The following ARHGEF9 variants were observed in gnomAD, a reference collection of about 807,000 sequenced individuals.
The protein encoded by ARHGEF9 is Cdc42 guanine nucleotide exchange factor 9.
In ARHGEF9, 2 loss-of-function variants were observed where a neutral mutation model predicts 41.3. That is an observed-to-expected ratio of 0.05 (90% CI 0.02 to 0.15). The LOEUF is 0.15. Ranked by LOEUF, ARHGEF9 falls within the 10% of genes least tolerant of loss-of-function variation. The pLI is 1.00. For synonymous variants in ARHGEF9, 160 were observed against 154.4 expected (o/e 1.04, Z -0.27); for missense variants, 225 against 424.7 (o/e 0.53, Z 4.13).
chrX:63,734,733 C>T (rs1569496241), intron 1 of ARHGEF9, among the ~76,000 whole-genome samples: 2 of 111,491 alleles, frequency 1.8e-5, no homozygotes, highest in Non-Finnish European at 3.8e-5. Context: ...TGCTTCTGCT[C>T]TGTTCCACCC....
intron 2 of ARHGEF9, among the ~76,000 whole-genome samples, chrX:63,714,947 A>G (rs2053195815): frequency 8.9e-6 from 1 of 111,861 alleles, no homozygotes; most frequent in Non-Finnish European, 1.9e-5. Flanking sequence ...TTCCCAACGA[A>G]TGGAGACTTA....
At chrX:63,716,499 A>G (rs1556410277) in intron 2 of ARHGEF9, among the ~76,000 whole-genome samples, 1 of 111,419 alleles carries the variant, frequency 9.0e-6, no homozygotes, top group Non-Finnish European at 1.9e-5. Flanking sequence ...GATGGGCTGA[A>G]GTTCTAGAGT....
intron 5 of ARHGEF9, among the ~76,000 whole-genome samples, chrX:63,676,979 C>A (rs1332280466): frequency 8.9e-6 from 1 of 112,056 alleles, no homozygotes; most frequent in Non-Finnish European, 1.9e-5. Context: ...ATTTCCTCTA[C>A]ACCAAGACTA....
chrX:63,692,176 G>C (rs1304799779), intron 4 of ARHGEF9, among the ~76,000 whole-genome samples: 2 of 111,948 alleles, frequency 1.8e-5, no homozygotes, highest in East Asian at 5.6e-4. Context: ...TACCTCTAAA[G>C]CACAGATAAC....
intron 2 of ARHGEF9, chrX:63,707,528 G>A (rs1372176293): frequency 1.8e-5 from 2 of 110,878 alleles, no homozygotes; most frequent in African/African-American, 6.6e-5. Context: ...AGGAAACGAA[G>A]GGTGGGCCCG....
chrX:63,706,592 T>C, intron 2 of ARHGEF9, 143 bp from the exon 3 acceptor site: 1 of 704,607 alleles, frequency 1.4e-6, no homozygotes, highest in Non-Finnish European at 2.1e-6. Flanking sequence ...ATTCGAAACC[T>C]GGCTCTAGGG....
At chrX:63,777,736 T>A (rs1274090573) in intron 1 of ARHGEF9, among the ~76,000 whole-genome samples, 1 of 112,600 alleles carries the variant, frequency 8.9e-6, no homozygotes, top group African/African-American at 3.2e-5. Flanking sequence ...ACAGGTCCCA[T>A]GCAAGTCCAG....
intron 1 of ARHGEF9, among the ~76,000 whole-genome samples, chrX:63,740,066 C>T (rs149303139): frequency 8.4e-4 from 94 of 112,051 alleles, no homozygotes; most frequent in African/African-American, 2.9e-3. Context: ...TAGGCTGCCT[C>T]CTCTGGCAGG....
rs781834665 is a variant in ARHGEF9 at position 63,706,294 on chromosome X, C to T, written c.366G>A (p.Glu122=). 112 of 1,203,245 alleles carry T rather than the reference C, an allele frequency of 9.3e-5. No individual in the cohort carries two copies. Among genetic ancestry groups the T allele is most frequent in the Non-Finnish European group, 1.2e-4 (111 of 892,022 alleles). ...CCTTGAGGTGCTTGATGTAGTGACG[C>T]TCAGTGCTCATTATCTCATTGATGA... ...ANVINEIMST[E]RHYIKHLKDI... The change falls in exon 3 of 10, where the codon GAG becomes GAA. Residue 122 remains glutamate (E), a synonymous_variant. Coordinates refer to ENST00000671741, the MANE Select transcript of ARHGEF9 (RefSeq NM_001353921.2).
chrX:63,717,312 C>A (rs1446332331), intron 2 of ARHGEF9, among the ~76,000 whole-genome samples: 1 of 112,066 alleles, frequency 8.9e-6, no homozygotes, highest in Non-Finnish European at 1.9e-5. Flanking sequence ...GAACATTGTC[C>A]AATTACATGT....
At chrX:63,767,576 A>G (rs2056132660) in intron 1 of ARHGEF9, among the ~76,000 whole-genome samples, 1 of 112,272 alleles carries the variant, frequency 8.9e-6, no homozygotes, top group Admixed American at 9.4e-5. Context: ...GACAAAGGTT[A>G]ATAAAGTTCT....
chrX:63,714,255 A>G (rs868982470), intron 2 of ARHGEF9, among the ~76,000 whole-genome samples: 6 of 111,740 alleles, frequency 5.4e-5, no homozygotes, highest in Non-Finnish European at 1.1e-4. Context: ...CTCCTTCTTC[A>G]GGAAGGCCTT....
At chrX:63,665,281 T>C (rs2147262841) in intron 7 of ARHGEF9, among the ~76,000 whole-genome samples, 1 of 112,252 alleles carries the variant, frequency 8.9e-6, no homozygotes, top group African/African-American at 3.2e-5. Flanking sequence ...CCAGAGTCAG[T>C]GACAAGAGTA....
At chrX:63,647,868 T>C (rs1408664627) in intron 8 of ARHGEF9, among the ~76,000 whole-genome samples, 1 of 111,292 alleles carries the variant, frequency 9.0e-6, no homozygotes, top group East Asian at 2.8e-4. Context: ...TCCTGGACTT[T>C]TTTTGGTTAG....
At chrX:63,729,959 T>A (rs1207380337) in intron 1 of ARHGEF9, among the ~76,000 whole-genome samples, 2 of 112,459 alleles carry the variant, frequency 1.8e-5, no homozygotes, top group East Asian at 5.6e-4. Context: ...ATATTCTATC[T>A]AATTGCTCCC....
At chrX:63,767,803 C>T (rs2056137301) in intron 1 of ARHGEF9, among the ~76,000 whole-genome samples, 1 of 112,044 alleles carries the variant, frequency 8.9e-6, no homozygotes, top group African/African-American at 3.2e-5. Flanking sequence ...TCACTCCTGG[C>T]AAGTGAGAAG....
intron 2 of ARHGEF9, among the ~76,000 whole-genome samples, chrX:63,723,124 T>C (rs1408894262): frequency 1.8e-5 from 2 of 111,470 alleles, no homozygotes; most frequent in African/African-American, 3.3e-5. Context: ...GTAGTGGTGA[T>C]GATTATAATT....
intron 4 of ARHGEF9, among the ~76,000 whole-genome samples, chrX:63,690,782 C>T (rs782191471): frequency 8.9e-6 from 1 of 111,741 alleles, no homozygotes; most frequent in African/African-American, 3.2e-5. Context: ...AAAGATCACT[C>T]ACGATGATCA....
At chrX:63,752,059 C>T (rs2055674753) in intron 1 of ARHGEF9, among the ~76,000 whole-genome samples, 1 of 111,459 alleles carries the variant, frequency 9.0e-6, no homozygotes, top group Admixed American at 9.4e-5. Context: ...CAGTTTCCTT[C>T]CCAAATAACT....
Sources: allele counts gnomAD v4.1 joint callset (sites outside exome capture counted in the v4.1 genomes callset), GRCh38; gene constraint gnomAD v4.1.1; transcripts MANE v1.5; gene names NCBI Gene and HGNC (gene_info 2026-07-23, HGNC 2026-07-21).